IL1RAPL2: variants seen among roughly 807,000 people sequenced by gnomAD.
IL1RAPL2 encodes X-linked interleukin-1 receptor accessory protein-like 2.
In IL1RAPL2, 3 loss-of-function variants were observed where a neutral mutation model predicts 44.1. That is an observed-to-expected ratio of 0.07 (90% CI 0.03 to 0.18). IL1RAPL2 has a LOEUF of 0.18. Among genes scored for constraint, IL1RAPL2 ranks in the 10% least tolerant of loss-of-function variants. IL1RAPL2 has a pLI of 1.00. For synonymous variants in IL1RAPL2, 181 were observed against 178.8 expected, an observed-to-expected ratio of 1.01 and a Z score of -0.10; for missense variants, 391 against 496.4, an observed-to-expected ratio of 0.79 and a Z score of 2.02.
intron 5 of IL1RAPL2, among the ~76,000 whole-genome samples, chrX:105,322,444 C>A (rs2034903831): frequency 3.6e-5 from 4 of 111,764 alleles, no homozygotes; most frequent in Admixed American, 1.9e-4. Context: ...GGGTTGTGTT[C>A]CCATCTGGAG....
chrX:105,265,743 G>A (rs2034396936), intron 4 of IL1RAPL2, among the ~76,000 whole-genome samples: 1 of 110,781 alleles, frequency 9.0e-6, no homozygotes, highest in Non-Finnish European at 1.9e-5. Flanking sequence ...GAAAAAAAAT[G>A]TTATGAAAAA....
chrX:105,766,911 T>TA (rs1404394288), intron 10 of IL1RAPL2, 53 bp from the exon 11 acceptor site: 7 of 912,145 alleles, frequency 7.7e-6, no homozygotes, highest in Non-Finnish European at 9.4e-6. Context: ...CCTGATGCTT[T>TA]AGAGACTGGC....
chrX:105,642,375 T>A (rs1182699396), intron 6 of IL1RAPL2, among the ~76,000 whole-genome samples: 1 of 112,195 alleles, frequency 8.9e-6, no homozygotes, highest in Non-Finnish European at 1.9e-5. Flanking sequence ...TTGGTGTCAA[T>A]TGGGTTCCTT....
intron 2 of IL1RAPL2, among the ~76,000 whole-genome samples, chrX:104,851,717 T>C (rs775643403): frequency 2.7e-5 from 3 of 111,559 alleles, no homozygotes; most frequent in Non-Finnish European, 5.6e-5. Context: ...TACCTGAGAC[T>C]GGGTAATTTA....
chrX:105,354,322 A>G (rs1006587197), intron 5 of IL1RAPL2, among the ~76,000 whole-genome samples: 9 of 110,110 alleles, frequency 8.2e-5, no homozygotes, highest in African/African-American at 3.0e-4. Flanking sequence ...CTATGCAGCC[A>G]TAAAAAATGA....
At position 105,767,556 on chromosome X, in the gene IL1RAPL2, G is replaced by T. The variant is rs780235414; in HGVS notation, c.1956G>T (p.Gln652His). ...CNLPLTLLNG[Q>H]LPLNNTLKDT... ...TGCCTCTGACGCTACTCAACGGACA[G>T]CTACCCCTTAATAACACCCTGAAAG... Residue 652 changes from glutamine to histidine, a missense_variant, in exon 11 of 11, where the codon CAG (glutamine) becomes CAT (histidine). Physicochemically the swap from Gln to His is conservative, Grantham distance 24. Around this residue, in one of 2 missense-constraint regions of IL1RAPL2, gnomAD observed 232 missense variants for 244.8 expected, o/e 0.95. Coordinates refer to ENST00000372582, the MANE Select transcript of IL1RAPL2 (RefSeq NM_017416.2). 1 of 1,210,182 alleles carries T rather than the reference G, an allele frequency of 8.3e-7. No homozygotes were observed. The highest frequency in any genetic ancestry group is 3.0e-5 in the East Asian group (1 of 33,823).
chrX:104,988,674 GT>G (rs1276859088), intron 2 of IL1RAPL2, among the ~76,000 whole-genome samples: 1 of 111,912 alleles, frequency 8.9e-6, no homozygotes, highest in Non-Finnish European at 1.9e-5. Context: ...TGAAGTCTGT[GT>G]TTTTAAATTT....
chrX:104,809,196 C>T (rs1053061888), intron 2 of IL1RAPL2, among the ~76,000 whole-genome samples: 33 of 111,680 alleles, frequency 3.0e-4, no homozygotes, highest in Non-Finnish European at 1.7e-4. Flanking sequence ...CTCTCTGCTC[C>T]GCCTTCCCCT....
intron 2 of IL1RAPL2, among the ~76,000 whole-genome samples, chrX:104,949,370 C>T (rs1925500547): frequency 9.0e-6 from 1 of 111,082 alleles, no homozygotes; most frequent in Non-Finnish European, 1.9e-5. Flanking sequence ...AAAAAACCAG[C>T]TCCTGGATTC....
At chrX:104,714,550 T>TC (rs1931521659) in intron 2 of IL1RAPL2, among the ~76,000 whole-genome samples, 1 of 111,347 alleles carries the variant, frequency 9.0e-6, no homozygotes, top group Non-Finnish European at 1.9e-5. Context: ...TCTTGAGGTC[T>TC]CCCTAGCCAT....
At chrX:104,789,470 G>C (rs1261341667) in intron 2 of IL1RAPL2, among the ~76,000 whole-genome samples, 1 of 111,645 alleles carries the variant, frequency 9.0e-6, no homozygotes, top group Non-Finnish European at 1.9e-5. Flanking sequence ...AATGGGATAA[G>C]TTAGTCTCTA....
chrX:105,197,309 A>G (rs781815864), intron 3 of IL1RAPL2, among the ~76,000 whole-genome samples: 8 of 110,999 alleles, frequency 7.2e-5, no homozygotes, highest in Non-Finnish European at 1.5e-4. Flanking sequence ...TTCCTTGCTT[A>G]TCTCCTCTCC....
chrX:105,492,346 A>G (rs1255061430), intron 6 of IL1RAPL2, among the ~76,000 whole-genome samples: 1 of 110,571 alleles, frequency 9.0e-6, no homozygotes, highest in Non-Finnish European at 1.9e-5. Context: ...CACACTGGGT[A>G]TGGTAACATT....
At chrX:105,227,237 A>T (rs192120777) in intron 3 of IL1RAPL2, among the ~76,000 whole-genome samples, 79 of 111,606 alleles carry the variant, frequency 7.1e-4, no homozygotes, top group African/African-American at 2.4e-3. Context: ...TAAAATAAAA[A>T]AATTATGATA....
intron 2 of IL1RAPL2, among the ~76,000 whole-genome samples, chrX:104,779,214 G>A (rs927115310): frequency 2.7e-5 from 3 of 112,416 alleles, no homozygotes; most frequent in African/African-American, 6.5e-5. Context: ...ATTTGAAGAT[G>A]AGGAAGAAAA....
Position 105,327,138 on chromosome X carries a change from C to T in IL1RAPL2, c.697+59597C>T, listed in dbSNP as rs145398831. On this transcript the variant is annotated intron_variant, in intron 5 of 10. Coordinates refer to ENST00000372582, the MANE Select transcript of IL1RAPL2 (RefSeq NM_017416.2). ...CAACCAACAAATTGTTTTCTGTTTC[C>T]CAAGAATGGACCTGCCTTTGTGTCC... 7.8e-3 allele frequency among the ~76,000 whole-genome samples: 869 copies of T among 111,589 alleles called. 7 individuals carry two copies. Among genetic ancestry groups the T allele is most frequent in the African/African-American group, 0.027 (832 of 30,663 alleles).
At chrX:105,539,978 A>T (rs1259329456) in intron 6 of IL1RAPL2, among the ~76,000 whole-genome samples, 1 of 111,251 alleles carries the variant, frequency 9.0e-6, no homozygotes, top group African/African-American at 3.3e-5. Flanking sequence ...CCACTGTGAG[A>T]TACCATCTCA....
At chrX:104,884,554 C>T (rs370728659) in intron 2 of IL1RAPL2, among the ~76,000 whole-genome samples, 2 of 103,592 alleles carry the variant, frequency 1.9e-5, no homozygotes, top group East Asian at 6.4e-4. Flanking sequence ...CCAATTTGAC[C>T]CGCAAACCCT....
rs773450444 is a variant in IL1RAPL2, at chrX:105,262,624, A to G, written c.544-4764A>G. The stretch of plus-strand genomic sequence containing the variant: ...TTGATTTAGTAGCATGCTCAAAAAC[A>G]TACTACTTGGAATTCTAATCAAAGT... On this transcript the variant is annotated intron_variant, in intron 4 of 10. Coordinates refer to ENST00000372582, the MANE Select transcript of IL1RAPL2 (RefSeq NM_017416.2). 5.7e-3 allele frequency among the ~76,000 whole-genome samples: 637 copies of G among 111,435 alleles called. 5 individuals carry two copies. The highest frequency in any genetic ancestry group is 0.019 in the African/African-American group (581 of 30,630).
Sources: gnomAD v4.1 joint callset for allele counts (sites outside exome capture counted in the v4.1 genomes callset) on GRCh38, gnomAD v4.1.1 for gene constraint, gnomAD v4.1.1 regional missense constraint, MANE v1.5 for transcripts, NCBI Gene and HGNC (gene_info 2026-07-23, HGNC 2026-07-21) for gene names.